Variants in OR5A1 observed in about 807,000 individuals in gnomAD.
OR5A1 encodes the protein olfactory receptor family 5 subfamily A member 1, also known as olfactory receptor 5A1.
A neutral mutation model predicts 6.7 loss-of-function variants in OR5A1; 6 were observed. The observed-to-expected ratio is 0.89, with a 90% confidence interval of 0.49 to 1.76. The LOEUF is 1.76. OR5A1 is among the 40% of genes most tolerant of loss of function. OR5A1 has a pLI of 0.01. For missense variants in OR5A1, 378 were observed against 381.7 expected (o/e 0.99, Z 0.08); for synonymous variants, 170 against 155.0 (o/e 1.10, Z -0.72).
In OR5A1 at chr11:59,449,977, T is replaced by A. The variant is rs1479532587; in HGVS notation, c.*5861T>A. ...GAAAAGGCAGACACACATAGACCCA[T>A]AAAGGCAAGGAGTAAAAAGTGCTAG... On this transcript the variant is annotated 3_prime_UTR_variant, in exon 2 of 2. Transcript: ENST00000641045. 2 of 152,046 alleles carry A rather than the reference T, an allele frequency of 1.3e-5. No individual in the cohort carries two copies. Among genetic ancestry groups the A allele is most frequent in the African/African-American group, 2.4e-5 (1 of 41,382 alleles). The allele number at this position is 152,046 out of a possible 1,614,324, so 9.4% of individuals were successfully genotyped here.
intron 1 of OR5A1, among the ~76,000 whole-genome samples, chr11:59,437,385 T>C (rs989894693): frequency 4.6e-5 from 7 of 152,192 alleles, no homozygotes; most frequent in East Asian, 1.9e-4. Flanking sequence ...ACTGTCTCCA[T>C]AGTTTTGCTT....
chr11:59,448,349 G>A lies in OR5A1; in HGVS notation c.*4233G>A, dbSNP rs1858575594. The A allele has an allele frequency of 6.6e-6, 1 of 152,068 alleles. No individual in the cohort carries two copies. The highest frequency in any genetic ancestry group is 2.1e-4 in the South Asian group (1 of 4,810). 9.4% of individuals were successfully genotyped at this position (152,068 alleles called of 1,614,324 possible). A position where few individuals can be genotyped will look rare whatever the true frequency, so the allele number is the denominator to read the frequency against. The stretch of plus-strand genomic sequence containing the variant: ...CTGATCCTCTAAGAAGTCCTAAACT[G>A]AAGTTCCATCCACGACTATGAGGGG... On this transcript the variant is annotated 3_prime_UTR_variant, in exon 2 of 2. Coordinates refer to ENST00000641045, the MANE Select transcript of OR5A1 (RefSeq NM_001004728.2).
At chr11:59,438,348 T>C (rs1472808884) in intron 1 of OR5A1, among the ~76,000 whole-genome samples, 1 of 152,244 alleles carries the variant, frequency 6.6e-6, no homozygotes, top group Non-Finnish European at 1.5e-5. Flanking sequence ...GTAGCATTTT[T>C]TTTAAGTCTT....
At chr11:59,439,774 G>A (rs1185487163) in intron 1 of OR5A1, among the ~76,000 whole-genome samples, 1 of 152,102 alleles carries the variant, frequency 6.6e-6, no homozygotes, top group Non-Finnish European at 1.5e-5. Context: ...TAACCCATCA[G>A]ACTCCAATCA....
intron 1 of OR5A1, among the ~76,000 whole-genome samples, chr11:59,439,468 C>A (rs191090682): frequency 4.9e-4 from 75 of 152,284 alleles, no homozygotes; most frequent in African/African-American, 1.6e-3. Context: ...GGAGTCCAGG[C>A]TCCCCAAGTT....
chr11:59,442,657 G>A (rs1033989529), intron 1 of OR5A1, among the ~76,000 whole-genome samples: 5 of 152,072 alleles, frequency 3.3e-5, no homozygotes, highest in African/African-American at 4.8e-5. Flanking sequence ...ACCTAGTTCC[G>A]TTGATCTTTC....
rs1003185320 is a variant in OR5A1 at position 59,446,091 on chromosome 11, T to A, written c.*1975T>A. The A allele has an allele frequency of 3.9e-5, 6 of 152,218 alleles. 1 individual carries two copies. Among genetic ancestry groups the A allele is most frequent in the African/African-American group, 1.4e-4 (6 of 41,460 alleles). 9.4% of individuals were successfully genotyped at this position (152,218 alleles called of 1,614,324 possible). A position where few individuals can be genotyped will look rare whatever the true frequency, so the allele number is the denominator to read the frequency against. The stretch of plus-strand genomic sequence containing the variant: ...ATGTCCTAAATGGCATTGCCTAGAT[T>A]TTCTTCTAGGATTTTTATAGTTTGG... On this transcript the variant is annotated 3_prime_UTR_variant, in exon 2 of 2. Transcript: ENST00000641045.
chr11:59,440,557 C>A (rs550013401), intron 1 of OR5A1, among the ~76,000 whole-genome samples: 5 of 152,144 alleles, frequency 3.3e-5, no homozygotes, highest in Non-Finnish European at 7.3e-5. Context: ...TGAATGGGTG[C>A]CCCCAGATGA....
chr11:59,441,628 C>T (rs1047456189), intron 1 of OR5A1, among the ~76,000 whole-genome samples: 1 of 152,198 alleles, frequency 6.6e-6, no homozygotes, highest in Non-Finnish European at 1.5e-5. Context: ...CTGATGACTA[C>T]AGTTCTCTTC....
intron 1 of OR5A1, among the ~76,000 whole-genome samples, chr11:59,441,720 G>T (rs1858481696): frequency 6.6e-6 from 1 of 152,188 alleles, no homozygotes; most frequent in Non-Finnish European, 1.5e-5. Context: ...ATAAAATCAA[G>T]TCCCTGATCT....
chr11:59,438,118 C>T (rs759983601), intron 1 of OR5A1, among the ~76,000 whole-genome samples: 18 of 152,202 alleles, frequency 1.2e-4, no homozygotes, highest in Non-Finnish European at 2.5e-4. Flanking sequence ...TCCTGCAGCC[C>T]TCACCAGAAG....
At position 59,444,446 on chromosome 11, in the gene OR5A1, A is replaced by T. The variant is rs1419061690; in HGVS notation, c.*330A>T. The T allele has an allele frequency of 1.1e-5, 2 of 189,352 alleles. No individual in the cohort carries two copies. The highest frequency in any genetic ancestry group is 2.4e-4 in the East Asian group (2 of 8,356). The allele number at this position is 189,352 out of a possible 1,614,324, so 11.7% of individuals were successfully genotyped here. A position where few individuals can be genotyped will look rare whatever the true frequency, so the allele number is the denominator to read the frequency against. ...AGTTATTTAATTAAATACTCATTGC[A>T]GTACTAAAATACACAATGAACTATC... On this transcript the variant is annotated 3_prime_UTR_variant, in exon 2 of 2. Transcript: ENST00000641045.
At chr11:59,438,965 G>C (rs1420810886) in intron 1 of OR5A1, among the ~76,000 whole-genome samples, 1 of 152,174 alleles carries the variant, frequency 6.6e-6, no homozygotes, top group Non-Finnish European at 1.5e-5. Context: ...TGGAAGAGCA[G>C]TATCTTGAGG....
chr11:59,447,014 A>G lies in OR5A1; in HGVS notation c.*2898A>G, dbSNP rs1362302924. 1 of 152,220 alleles carries G rather than the reference A, an allele frequency of 6.6e-6. No individual in the cohort carries two copies. The highest frequency in any genetic ancestry group is 1.9e-4 in the East Asian group (1 of 5,194). 9.4% of individuals were successfully genotyped at this position (152,220 alleles called of 1,614,324 possible). A position where few individuals can be genotyped will look rare whatever the true frequency, so the allele number is the denominator to read the frequency against. On this transcript the variant is annotated 3_prime_UTR_variant, in exon 2 of 2. Coordinates refer to ENST00000641045, the MANE Select transcript of OR5A1 (RefSeq NM_001004728.2). ...AATGACTCCTACAAATCGTATATAC[A>G]GGTACTCAGAGAGAGAGAGTTGAAA...
rs986085006 is a variant in OR5A1, at chr11:59,446,196, T to G, written c.*2080T>G. 2 of 152,222 alleles carry G rather than the reference T, an allele frequency of 1.3e-5. No homozygotes were observed. The highest frequency in any genetic ancestry group is 4.8e-5 in the African/African-American group (2 of 41,448). 9.4% of individuals were successfully genotyped at this position (152,222 alleles called of 1,614,324 possible). A position where few individuals can be genotyped will look rare whatever the true frequency, so the allele number is the denominator to read the frequency against. On this transcript the variant is annotated 3_prime_UTR_variant, in exon 2 of 2. Coordinates refer to ENST00000641045, the MANE Select transcript of OR5A1 (RefSeq NM_001004728.2). ...AGGAACTGGTCCATTTTCAATTTTC[T>G]GTATATGGCTAGCCAGTTTTCCCAG...
chr11:59,443,858 G>T lies in OR5A1; in HGVS notation c.690G>T (p.Lys230Asn), dbSNP rs140993037. Residue 230 changes from lysine to asparagine, a missense_variant, in exon 2 of 2, where the codon AAG becomes AAT. Physicochemically the swap from Lys to Asn is moderately conservative, Grantham distance 94. Coordinates refer to ENST00000641045, the MANE Select transcript of OR5A1 (RefSeq NM_001004728.2). The part of the protein sequence containing the change: ...SYGYIVSAVL[K>N]IPSAEGRWKA... Reference sequence around the variant, plus strand: ...GTTACATAGTGTCTGCGGTCCTGAAGATCCCTTCAGCAGAGGGCCGATGGA... The same window carrying T: ...GTTACATAGTGTCTGCGGTCCTGAATATCCCTTCAGCAGAGGGCCGATGGA... The T allele has an allele frequency of 9.9e-6, 16 of 1,613,972 alleles. No individual in the cohort carries two copies. In the African/African-American group the frequency reaches 2.1e-4, roughly 22 times the overall value.
Position 59,444,177 on chromosome 11 carries a change from C to G in OR5A1, c.*61C>G. 8.8e-7 allele frequency: 1 copy of G among 1,133,430 alleles called. No individual in the cohort carries two copies. The highest frequency in any genetic ancestry group is 1.4e-5 in the South Asian group (1 of 72,112). The allele number at this position is 1,133,430 out of a possible 1,614,324, so 70.2% of individuals were successfully genotyped here. A position where few individuals can be genotyped will look rare whatever the true frequency, so the allele number is the denominator to read the frequency against. On this transcript the variant is annotated 3_prime_UTR_variant, in exon 2 of 2. Coordinates refer to ENST00000641045, the MANE Select transcript of OR5A1 (RefSeq NM_001004728.2). ...AGAATTAAACAATCCAAGCCTTCAC[C>G]TCCACCTCTGCCTCAGGCAAGGGAG... is the stretch of plus-strand genomic sequence containing the variant.
rs758812121 is a variant in OR5A1, at chr11:59,444,130, A to G, written c.*14A>G. Reference sequence around the variant, plus strand: ...GTGTTTTCTTAGGTCATGCGTAGAAACTTATTTATCCAAACTGCTGGAGAA... The same window carrying G: ...GTGTTTTCTTAGGTCATGCGTAGAAGCTTATTTATCCAAACTGCTGGAGAA... On this transcript the variant is annotated 3_prime_UTR_variant, in exon 2 of 2. Transcript: ENST00000641045. 1 of 1,556,046 alleles carries G rather than the reference A, an allele frequency of 6.4e-7. No homozygotes were observed. Among genetic ancestry groups the G allele is most frequent in the Admixed American group, 1.7e-5 (1 of 59,302 alleles).
At chr11:59,437,289 T>C (rs1158695952) in intron 1 of OR5A1, among the ~76,000 whole-genome samples, 2 of 152,184 alleles carry the variant, frequency 1.3e-5, no homozygotes, top group African/African-American at 2.4e-5. Flanking sequence ...GGATCATCCA[T>C]AGTAGCTTCA....
Sources: gnomAD v4.1 joint callset for allele counts (sites outside exome capture counted in the v4.1 genomes callset) on GRCh38, gnomAD v4.1.1 for gene constraint, MANE v1.5 for transcripts, NCBI Gene and HGNC (gene_info 2026-07-23, HGNC 2026-07-21) for gene names.